The following GRM5 variants were observed in gnomAD, a reference collection of about 807,000 sequenced individuals.
The protein encoded by GRM5 is metabotropic glutamate receptor 5.
In GRM5, 19 loss-of-function variants were observed where a neutral mutation model predicts 83.1. That is an observed-to-expected ratio of 0.23 (90% CI 0.16 to 0.34). The LOEUF (loss-of-function observed/expected upper bound fraction) is 0.34. Ranked by LOEUF, GRM5 falls within the 10% of genes least tolerant of loss-of-function variation. The pLI is 1.00. For missense variants in GRM5, 1,160 were observed against 1,588.3 expected, an observed-to-expected ratio of 0.73 and a Z score of 4.58; for synonymous variants, 675 against 633.6, an observed-to-expected ratio of 1.07 and a Z score of -0.98.
At chr11:88,514,413 C>A (rs1941469534) in intron 9 of GRM5, among the ~76,000 whole-genome samples, 1 of 151,952 alleles carries the variant, frequency 6.6e-6, no homozygotes, top group Non-Finnish European at 1.5e-5. Context: ...CAAATTTATT[C>A]ATTTTCAAGC....
rs111545890 is a variant in GRM5 at position 88,801,099 on chromosome 11, A to G, written c.911+48807T>C. Among the ~76,000 whole-genome samples the G allele has an allele frequency of 3.6e-3, 549 of 152,262 alleles. 4 individuals carry two copies. Among genetic ancestry groups the G allele is most frequent in the Non-Finnish European group, 1.9e-3 (128 of 68,008 alleles). ...AATGACAGCCCAGAGGCATACCATTAAGCCTTTGACTTTTGAGTGATGCAT... is the reference window on the plus strand; with the variant it reads ...AATGACAGCCCAGAGGCATACCATTGAGCCTTTGACTTTTGAGTGATGCAT... On this transcript the variant is annotated intron_variant, in intron 3 of 9. Transcript: ENST00000305447.
chr11:89,048,284 A>C (rs1941685170), intron 1 of GRM5, among the ~76,000 whole-genome samples: 1 of 152,182 alleles, frequency 6.6e-6, no homozygotes, highest in Non-Finnish European at 1.5e-5. Flanking sequence ...TGCTTAGATT[A>C]ATAGTCTTTT....
rs1455514264 is a variant in GRM5 at position 88,508,984 on chromosome 11, C to A, written c.3247G>T (p.Ala1083Ser). The A allele has an allele frequency of 1.3e-6, 2 of 1,581,788 alleles. No individual in the cohort carries two copies. Among genetic ancestry groups the A allele is most frequent in the Non-Finnish European group, 1.7e-6 (2 of 1,163,668 alleles). ...GCGCCGACGCCGGGGCTGGGGGCCG[C>A]GGTGGACAGCATCATGGAGTTGAGC... Reference protein sequence around the residue: ...SELNSMMLSTAAPSPGVGAPL... With the variant: ...SELNSMMLSTSAPSPGVGAPL... The change falls in exon 10 of 10, where the codon GCG becomes TCG. Residue 1083 changes from alanine (A) to serine (S), a missense_variant. This residue lies in a region of GRM5 where 562 missense variants were observed against 532.4 expected (regional missense o/e 1.06). Transcript: ENST00000305447. This position sits in a 1 kb window ranked among gnomAD's most constrained non-coding sequence, Gnocchi z 4.2.
At chr11:89,049,257 T>C (rs1941707487) in intron 1 of GRM5, among the ~76,000 whole-genome samples, 1 of 152,214 alleles carries the variant, frequency 6.6e-6, no homozygotes, top group African/African-American at 2.4e-5. Context: ...GCTATGAATG[T>C]CATCATCTAT....
intron 2 of GRM5, among the ~76,000 whole-genome samples, chr11:89,045,658 T>C (rs1305874665): frequency 1.3e-5 from 2 of 152,244 alleles, no homozygotes; most frequent in East Asian, 3.9e-4. Context: ...AAGCCAAAGG[T>C]CATGACTAAG....
chr11:88,981,920 T>C (rs972709748), intron 2 of GRM5, among the ~76,000 whole-genome samples: 1 of 152,222 alleles, frequency 6.6e-6, no homozygotes, highest in Admixed American at 6.5e-5. Flanking sequence ...ACCTGAGCTG[T>C]ATCTTAATAT....
At chr11:88,579,948 G>A (rs1943189625) in intron 7 of GRM5, among the ~76,000 whole-genome samples, 1 of 152,196 alleles carries the variant, frequency 6.6e-6, no homozygotes. Flanking sequence ...GATTAATGAT[G>A]ATTGTTAGAC....
chr11:88,650,636 G>A (rs1380126228), intron 4 of GRM5, among the ~76,000 whole-genome samples: 2 of 152,004 alleles, frequency 1.3e-5, no homozygotes, highest in Admixed American at 1.3e-4. Flanking sequence ...AGGGTCAAAA[G>A]TAGTGGGTAG....
At chr11:89,001,748 G>A (rs1940389348) in intron 2 of GRM5, among the ~76,000 whole-genome samples, 1 of 152,116 alleles carries the variant, frequency 6.6e-6, no homozygotes, top group African/African-American at 2.4e-5. Flanking sequence ...TTGCATGTGA[G>A]TCTACAATTA....
intron 3 of GRM5, among the ~76,000 whole-genome samples, chr11:88,748,396 G>T (rs1428300926): frequency 6.6e-6 from 1 of 152,108 alleles, no homozygotes; most frequent in Non-Finnish European, 1.5e-5. Context: ...AGAACCACTG[G>T]CTTGGAATCC....
intron 2 of GRM5, among the ~76,000 whole-genome samples, chr11:88,948,823 G>T (rs1284895166): frequency 2.0e-5 from 3 of 152,136 alleles, no homozygotes; most frequent in Non-Finnish European, 1.5e-5. Flanking sequence ...AAAAGGATAA[G>T]ATATGGACCT....
intron 2 of GRM5, among the ~76,000 whole-genome samples, chr11:88,936,475 TC>T (rs1479949419): frequency 6.6e-6 from 1 of 151,706 alleles, no homozygotes; most frequent in Non-Finnish European, 1.5e-5. Context: ...TCTCATACTT[TC>T]TTCTGTTTAC....
At chr11:88,790,171 G>T (rs1943147175) in intron 3 of GRM5, among the ~76,000 whole-genome samples, 1 of 152,222 alleles carries the variant, frequency 6.6e-6, no homozygotes, top group South Asian at 2.1e-4. Flanking sequence ...GCTCGTACAA[G>T]CAACTTCTAA....
intron 2 of GRM5, among the ~76,000 whole-genome samples, chr11:88,869,744 G>T (rs937156406): frequency 1.3e-5 from 2 of 151,278 alleles, no homozygotes; most frequent in African/African-American, 4.8e-5. Context: ...TCAAAAATGT[G>T]AGCCAACAGC....
chr11:88,562,813 T>C (rs1462635796), intron 8 of GRM5, among the ~76,000 whole-genome samples: 1 of 152,170 alleles, frequency 6.6e-6, no homozygotes, highest in African/African-American at 2.4e-5. Flanking sequence ...TAAATGTCAC[T>C]TTCCCATATT....
chr11:88,783,872 A>G (rs1265469563), intron 3 of GRM5, among the ~76,000 whole-genome samples: 1 of 152,074 alleles, frequency 6.6e-6, no homozygotes, highest in Non-Finnish European at 1.5e-5. Flanking sequence ...CAAAGCATCT[A>G]TACACTGGCA....
intron 8 of GRM5, among the ~76,000 whole-genome samples, chr11:88,563,277 G>A (rs1449822069): frequency 6.6e-6 from 1 of 152,096 alleles, no homozygotes; most frequent in African/African-American, 2.4e-5. Flanking sequence ...TGAAATCCAG[G>A]TGTGGTTCCA....
chr11:88,945,319 C>T (rs1214149393), intron 2 of GRM5, among the ~76,000 whole-genome samples: 1 of 151,910 alleles, frequency 6.6e-6, no homozygotes, highest in Non-Finnish European at 1.5e-5. Context: ...ACATACTGCT[C>T]AAAGCAATCT....
rs143036097 is a variant in GRM5 at position 88,767,149 on chromosome 11, G to A, written c.911+82757C>T. ...GAGACCTGAGCCATTGTTCCTGGCC[G>A]AGAATGGCTATTATGTAAAATTCAA... On this transcript the variant is annotated intron_variant, in intron 3 of 9. Transcript: ENST00000305447. Among the ~76,000 whole-genome samples the A allele has an allele frequency of 6.9e-3, 1,050 of 151,844 alleles. 12 individuals are homozygous for A. The highest frequency in any genetic ancestry group is 0.024 in the African/African-American group (985 of 41,438).
Sources: gnomAD v4.1 joint callset for allele counts (sites outside exome capture counted in the v4.1 genomes callset) on GRCh38, gnomAD v4.1.1 for gene constraint, gnomAD v4.1.1 regional missense constraint, Gnocchi (gnomAD v3.1) non-coding constraint, MANE v1.5 for transcripts, NCBI Gene and HGNC (gene_info 2026-07-23, HGNC 2026-07-21) for gene names.